Variants in SV2B observed in about 807,000 individuals in gnomAD.
The protein encoded by SV2B is synaptic vesicle glycoprotein 2B, also known as solute carrier family 22 member B2.
A neutral mutation model predicts 73.9 loss-of-function variants in SV2B; 41 were observed. The ratio of observed to expected loss-of-function variants is 0.56; its 90% confidence interval spans 0.43 to 0.72. The LOEUF is 0.72. Among genes scored for constraint, SV2B ranks in the 30% least tolerant of loss-of-function variants. SV2B has a pLI of 0.00. For synonymous variants in SV2B, 314 were observed against 314.2 expected, an observed-to-expected ratio of 1.00 and a Z score of 0.01; for missense variants, 764 against 857.8, an observed-to-expected ratio of 0.89 and a Z score of 1.37.
Position 91,258,291 on chromosome 15 carries a change from C to G in SV2B, c.785-130C>G, listed in dbSNP as rs1422551719. 7.7e-7 allele frequency: 1 copy of G among 1,305,780 alleles called. No individual in the cohort carries two copies. Among genetic ancestry groups the G allele is most frequent in the Admixed American group, 2.5e-5 (1 of 39,666 alleles). 80.9% of individuals were successfully genotyped at this position (1,305,780 alleles called of 1,614,324 possible). Reference sequence around the variant, plus strand: ...AGCTTCGGAGGCACAGCTGAGGAGTCTGCATTTTAACCACCTCCCCGGGTG... The same window carrying G: ...AGCTTCGGAGGCACAGCTGAGGAGTGTGCATTTTAACCACCTCCCCGGGTG... On this transcript the variant is annotated intron_variant, in intron 4 of 12. Transcript: ENST00000394232. The surrounding 1 kb of genome is among the most constrained non-coding windows in gnomAD (Gnocchi z 4.7).
rs904104210 is a variant in SV2B, at chr15:91,300,593, G to A, written c.*8041G>A. ...GTGGGAGGTGGCCTAGACAGGTGCC[G>A]GTTTTGGGGAGAGGTGAGAGTACCC... On this transcript the variant is annotated 3_prime_UTR_variant, in exon 13 of 13. Coordinates refer to ENST00000394232, the MANE Select transcript of SV2B (RefSeq NM_001323032.3). 5 of 152,188 alleles carry A rather than the reference G, an allele frequency of 3.3e-5. No homozygotes were observed. Among genetic ancestry groups the A allele is most frequent in the African/African-American group, 4.8e-5 (2 of 41,450 alleles). 9.4% of individuals were successfully genotyped at this position (152,188 alleles called of 1,614,324 possible).
intron 1 of SV2B, among the ~76,000 whole-genome samples, chr15:91,180,119 T>A (rs1271127359): frequency 1.3e-5 from 2 of 152,150 alleles, no homozygotes; most frequent in Non-Finnish European, 2.9e-5. Context: ...ATTTGCTTGT[T>A]TGTAAAGTAT....
At position 91,224,062 on chromosome 15, in the gene SV2B, A is replaced by G. The variant is rs2046300237; in HGVS notation, c.-391-1811A>G. ...AGAAGGAAATGCATTGTATTGTCTG[A>G]GTCAGATGGGTTTCAGTGCTGGAGT... On this transcript the variant is annotated intron_variant, in intron 1 of 12. Transcript: ENST00000394232. This position sits in a 1 kb window ranked among gnomAD's most constrained non-coding sequence, Gnocchi z 4.9. Among the ~76,000 whole-genome samples, 1 of 152,170 alleles carries G rather than the reference A, an allele frequency of 6.6e-6. No individual in the cohort carries two copies. The highest frequency in any genetic ancestry group is 1.5e-5 in the Non-Finnish European group (1 of 68,038).
chr15:91,110,085 C>G lies in SV2B; in HGVS notation c.-392+9722C>G, dbSNP rs929686607. On this transcript the variant is annotated intron_variant, in intron 1 of 12. Transcript: ENST00000394232. This position sits in a 1 kb window ranked among gnomAD's most constrained non-coding sequence, Gnocchi z 5.4. The stretch of plus-strand genomic sequence containing the variant: ...CCGTCATTACTCACATTACAAATCA[C>G]GCTCACTCAGGAGTAATGATGGACA... 1.3e-5 allele frequency among the ~76,000 whole-genome samples: 2 copies of G among 152,154 alleles called. No individual in the cohort carries two copies. The highest frequency in any genetic ancestry group is 2.9e-5 in the Non-Finnish European group (2 of 68,032).
At position 91,141,421 on chromosome 15, in the gene SV2B, A is replaced by G. The variant is rs562658471; in HGVS notation, c.-392+41058A>G. ...TAGTTTAGCTTTCTAACCTGCTCCT[A>G]ATCCAGGTGATAAGTGAGTTCATTG... On this transcript the variant is annotated intron_variant, in intron 1 of 12. Transcript: ENST00000394232. This position sits in a 1 kb window ranked among gnomAD's most constrained non-coding sequence, Gnocchi z 4.6. 6.6e-6 allele frequency among the ~76,000 whole-genome samples: 1 copy of G among 152,314 alleles called. No homozygotes were observed. Among genetic ancestry groups the G allele is most frequent in the South Asian group, 2.1e-4 (1 of 4,828 alleles).
chr15:91,181,138 T>C (rs928844849), intron 1 of SV2B, among the ~76,000 whole-genome samples: 7 of 152,236 alleles, frequency 4.6e-5, no homozygotes, highest in African/African-American at 1.7e-4. Flanking sequence ...GCAGGTCTGT[T>C]GGAGTTTGCC....
At position 91,301,057 on chromosome 15, in the gene SV2B, C is replaced by T. The variant is rs1041613622; in HGVS notation, c.*8505C>T. The T allele has an allele frequency of 6.6e-6, 1 of 152,190 alleles. No homozygotes were observed. The highest frequency in any genetic ancestry group is 2.4e-5 in the African/African-American group (1 of 41,428). 9.4% of individuals were successfully genotyped at this position (152,190 alleles called of 1,614,324 possible). A position where few individuals can be genotyped will look rare whatever the true frequency, so the allele number is the denominator to read the frequency against. Reference sequence around the variant, plus strand: ...GTCATTACGTTTCCCAGTCCCATGTCACATTGACCAGTCCTGTGGTCCTAT... The same window carrying T: ...GTCATTACGTTTCCCAGTCCCATGTTACATTGACCAGTCCTGTGGTCCTAT... On this transcript the variant is annotated 3_prime_UTR_variant, in exon 13 of 13. Coordinates refer to ENST00000394232, the MANE Select transcript of SV2B (RefSeq NM_001323032.3). This position sits in a 1 kb window ranked among gnomAD's most constrained non-coding sequence, Gnocchi z 4.3.
At position 91,106,768 on chromosome 15, in the gene SV2B, G is replaced by A. The variant is rs111968864; in HGVS notation, c.-392+6405G>A. Among the ~76,000 whole-genome samples the A allele has an allele frequency of 0.012, 1,863 of 152,304 alleles. 33 individuals are homozygous for A. Among genetic ancestry groups the A allele is most frequent in the African/African-American group, 0.041 (1,715 of 41,546 alleles). ...TTGTACTGCTCTTAATTTAAGATGA[G>A]GCAGAAGCAAGGAAGAATCTTGAAA... On this transcript the variant is annotated intron_variant, in intron 1 of 12. Transcript: ENST00000394232. The surrounding 1 kb of genome is among the most constrained non-coding windows in gnomAD (Gnocchi z 4.4).
At chr15:91,198,162 A>G (rs2045320743) in intron 1 of SV2B, among the ~76,000 whole-genome samples, 1 of 152,174 alleles carries the variant, frequency 6.6e-6, no homozygotes. Flanking sequence ...CGGTGCTTCA[A>G]TTTTTATCTG....
Position 91,235,546 on chromosome 15 carries a change from G to C in SV2B, c.451+8832G>C, listed in dbSNP as rs558581048. ...GAGCAATTTCACAATTAAACCACCG[G>C]GGGTTAAAAAAAAAATCTCTCGAGG... On this transcript the variant is annotated intron_variant, in intron 2 of 12. Transcript: ENST00000394232. Among the ~76,000 whole-genome samples the C allele has an allele frequency of 8.7e-4, 132 of 151,716 alleles. 1 individual carries two copies. Among genetic ancestry groups the C allele is most frequent in the Non-Finnish European group, 1.6e-3 (112 of 67,928 alleles).
chr15:91,266,722 A>G (rs1567412679), intron 7 of SV2B, 30 bp downstream of exon 7: 1 of 1,539,018 alleles, frequency 6.5e-7, no homozygotes, highest in East Asian at 2.3e-5. Flanking sequence ...TTGGATGAGG[A>G]TGCGTCTCTA....
chr15:91,218,217 C>T (rs866465561), intron 1 of SV2B, among the ~76,000 whole-genome samples: 1 of 152,262 alleles, frequency 6.6e-6, no homozygotes, highest in Admixed American at 6.5e-5. Flanking sequence ...GACAAAAGGG[C>T]ATGGTCTCAT....
At chr15:91,193,910 T>G (rs1235676050) in intron 1 of SV2B, among the ~76,000 whole-genome samples, 1 of 152,174 alleles carries the variant, frequency 6.6e-6, no homozygotes, top group African/African-American at 2.4e-5. Flanking sequence ...CCATAAAGGC[T>G]CAACGTTTTT....
chr15:91,202,338 G>A (rs1281985347), intron 1 of SV2B, among the ~76,000 whole-genome samples: 1 of 152,204 alleles, frequency 6.6e-6, no homozygotes, highest in Non-Finnish European at 1.5e-5. Context: ...TTAGCACATA[G>A]TAGGTGCTCA....
chr15:91,126,739 G>T (rs1239722223), intron 1 of SV2B, among the ~76,000 whole-genome samples: 1 of 152,026 alleles, frequency 6.6e-6, no homozygotes, highest in Non-Finnish European at 1.5e-5. Context: ...CCACATTAAT[G>T]GAATAAAAGA....
chr15:91,233,909 A>C (rs563215493), intron 2 of SV2B, among the ~76,000 whole-genome samples: 32 of 152,174 alleles, frequency 2.1e-4, no homozygotes, highest in South Asian at 4.1e-4. Context: ...CAAAAGAATG[A>C]CTTGATTTTT....
At position 91,300,853 on chromosome 15, in the gene SV2B, A is replaced by G. The variant is rs1345173043; in HGVS notation, c.*8301A>G. 1 of 152,268 alleles carries G rather than the reference A, an allele frequency of 6.6e-6. No homozygotes were observed. Among genetic ancestry groups the G allele is most frequent in the Non-Finnish European group, 1.5e-5 (1 of 68,066 alleles). 9.4% of individuals were successfully genotyped at this position (152,268 alleles called of 1,614,324 possible). A position where few individuals can be genotyped will look rare whatever the true frequency, so the allele number is the denominator to read the frequency against. On this transcript the variant is annotated 3_prime_UTR_variant, in exon 13 of 13. Coordinates refer to ENST00000394232, the MANE Select transcript of SV2B (RefSeq NM_001323032.3). ...ATACAATTTCTCCAGGTATCCAGCT[A>G]TCTCCAGGTGTGCGGTCCTGTGAAG...
In SV2B at chr15:91,265,582, C is replaced by T. The variant is rs528321484; in HGVS notation, c.1009-1000C>T. On this transcript the variant is annotated intron_variant, in intron 6 of 12. Transcript: ENST00000394232. The surrounding 1 kb of genome is among the most constrained non-coding windows in gnomAD (Gnocchi z 4.2). ...TTGATGTTAACTTCCCCTGTAGCCT[C>T]CTTTATCTGTAGCTGGGGGTCATAA... Among the ~76,000 whole-genome samples, 144 of 152,296 alleles carry T rather than the reference C, an allele frequency of 9.5e-4. No homozygotes were observed. Among genetic ancestry groups the T allele is most frequent in the African/African-American group, 3.2e-3 (135 of 41,570 alleles).
At chr15:91,276,796 A>ATTGTTG (rs151067863) in intron 9 of SV2B, among the ~76,000 whole-genome samples, 6 of 143,406 alleles carry the variant, frequency 4.2e-5, no homozygotes, top group African/African-American at 1.5e-4. Context: ...TATTTATATT[A>ATTGTTG]TTGTTGTTGT....
Sources: gnomAD v4.1 joint callset for allele counts (sites outside exome capture counted in the v4.1 genomes callset) on GRCh38, gnomAD v4.1.1 for gene constraint, Gnocchi (gnomAD v3.1) non-coding constraint, MANE v1.5 for transcripts, NCBI Gene and HGNC (gene_info 2026-07-23, HGNC 2026-07-21) for gene names.